The following AMD1 variants were observed in gnomAD, a reference collection of about 807,000 sequenced individuals.
AMD1 encodes the protein S-adenosylmethionine decarboxylase proenzyme.
Under a neutral mutation model 40.2 loss-of-function variants are expected in AMD1, and 11 were observed. That is an observed-to-expected ratio of 0.27 (90% CI 0.17 to 0.45). The LOEUF is 0.45. AMD1 is among the 20% of genes least tolerant of loss of function. The probability of loss-of-function intolerance (pLI) is 1.00; values close to 1 mark genes in which losing one functional copy is unlikely to be tolerated. For synonymous variants in AMD1, 121 were observed against 130.8 expected (o/e 0.93, Z 0.51); for missense variants, 257 against 410.2 (o/e 0.63, Z 3.23).
At chr6:110,881,090 A>G (rs186849992) in intron 1 of AMD1, among the ~76,000 whole-genome samples, 259 of 152,348 alleles carry the variant, frequency 1.7e-3, no homozygotes, top group Admixed American at 3.2e-3. Context: ...TTTTTCAGAC[A>G]TACAATTTGT....
intron 1 of AMD1, among the ~76,000 whole-genome samples, chr6:110,884,408 T>C (rs942892872): frequency 6.6e-6 from 1 of 152,344 alleles, no homozygotes; most frequent in East Asian, 1.9e-4. Context: ...ACCAAGACTT[T>C]AAAGTATCTG....
At chr6:110,868,449 G>C in the AMD1 span, among the ~76,000 whole-genome samples, 21 of 151,912 alleles carry the variant, frequency 1.4e-4, no homozygotes, top group African/African-American at 4.8e-4. Context: ...GGGCCCGGAC[G>C]TCTTTTCTTA....
chr6:110,829,237 A>C, the AMD1 span, among the ~76,000 whole-genome samples: 1 of 152,010 alleles, frequency 6.6e-6, no homozygotes, highest in Non-Finnish European at 1.5e-5. Flanking sequence ...TCCTAAGTGA[A>C]AAATGAATTT....
intron 1 of AMD1, among the ~76,000 whole-genome samples, chr6:110,884,353 A>G (rs1785570875): frequency 6.6e-6 from 1 of 152,224 alleles, no homozygotes; most frequent in Admixed American, 6.5e-5. Flanking sequence ...AAATCTTAAC[A>G]TCTCAAAGGA....
chr6:110,826,688 C>CT, the AMD1 span, among the ~76,000 whole-genome samples: 2,342 of 131,370 alleles, frequency 0.018, 66 homozygotes, highest in African/African-American at 0.054. Context: ...TCTTTTCTTT[C>CT]TTTTTTTTTT....
the AMD1 span, among the ~76,000 whole-genome samples, chr6:110,844,790 A>AAAAG: frequency 0.049 from 7,481 of 151,634 alleles, 192 homozygotes; most frequent in Middle Eastern, 0.085. Context: ...TCAGAAAAAA[A>AAAAG]AAAGAAAGAA....
chr6:110,844,790 AAAAGAAAG>A, the AMD1 span, among the ~76,000 whole-genome samples: 5 of 151,570 alleles, frequency 3.3e-5, no homozygotes, highest in African/African-American at 4.9e-5. Context: ...TCAGAAAAAA[AAAAGAAAG>A]AAAGAAAGAA....
At chr6:110,832,809 T>A in the AMD1 span, among the ~76,000 whole-genome samples, 1 of 152,130 alleles carries the variant, frequency 6.6e-6, no homozygotes, top group African/African-American at 2.4e-5. Context: ...TTCCATCCAC[T>A]TTTTGTTTTT....
At chr6:110,860,845 A>T in the AMD1 span, among the ~76,000 whole-genome samples, 8 of 149,096 alleles carry the variant, frequency 5.4e-5, no homozygotes, top group Non-Finnish European at 1.2e-4. Flanking sequence ...ACACACACAC[A>T]CACACACACA....
the AMD1 span, chr6:110,814,826 G>T: frequency 1.3e-6 from 1 of 792,004 alleles, no homozygotes; most frequent in Non-Finnish European, 2.1e-6. Flanking sequence ...GTACGCGACG[G>T]GGCCGCGCGG....
intron 1 of AMD1, among the ~76,000 whole-genome samples, chr6:110,887,252 ATT>A (rs1413893011): frequency 6.6e-6 from 1 of 151,974 alleles, no homozygotes; most frequent in South Asian, 2.1e-4. Flanking sequence ...ACCTTTGAAC[ATT>A]TTTTTGCCTA....
intron 1 of AMD1, among the ~76,000 whole-genome samples, chr6:110,884,072 A>G (rs1340413262): frequency 1.3e-5 from 2 of 152,198 alleles, no homozygotes; most frequent in Non-Finnish European, 2.9e-5. Flanking sequence ...GGCTTTGAAA[A>G]CTAGAATACA....
the AMD1 span, among the ~76,000 whole-genome samples, chr6:110,869,667 G>A: frequency 1.3e-5 from 2 of 151,482 alleles, no homozygotes; most frequent in South Asian, 2.1e-4. Flanking sequence ...GCTCCACCAC[G>A]CTCGGCTGAC....
At position 110,895,012 on chromosome 6, in the gene AMD1, T is replaced by C. The variant is rs1273005062; in HGVS notation, c.*1396T>C. The C allele has an allele frequency of 6.6e-6, 1 of 152,234 alleles. No homozygotes were observed. Among genetic ancestry groups the C allele is most frequent in the Non-Finnish European group, 1.5e-5 (1 of 68,036 alleles). The allele number at this position is 152,234 out of a possible 1,614,324, so 9.4% of individuals were successfully genotyped here. A position where few individuals can be genotyped will look rare whatever the true frequency, so the allele number is the denominator to read the frequency against. On this transcript the variant is annotated 3_prime_UTR_variant, in exon 9 of 9. Coordinates refer to ENST00000368885, the MANE Select transcript of AMD1 (RefSeq NM_001634.6). ...ACTCAATGGGAAATGACTAGTAATA[T>C]AGGCTTTCAAGAGTTGGTACCTTTT...
At chr6:110,855,702 G>C in the AMD1 span, among the ~76,000 whole-genome samples, 75 of 152,280 alleles carry the variant, frequency 4.9e-4, no homozygotes, top group African/African-American at 1.8e-3. Context: ...CAAAAAGGTA[G>C]AGTGACAAAA....
chr6:110,864,957 A>G, the AMD1 span, among the ~76,000 whole-genome samples: 3,171 of 152,348 alleles, frequency 0.021, 63 homozygotes, highest in East Asian at 0.12. Flanking sequence ...ACCCCAGGGA[A>G]ACACTTCACA....
the AMD1 span, chr6:110,859,008 G>C: frequency 8.5e-7 from 1 of 1,182,066 alleles, no homozygotes; most frequent in Non-Finnish European, 1.3e-6. Flanking sequence ...AAGCGGCCAG[G>C]TCTTTGGCCT....
Position 110,895,456 on chromosome 6 carries a change from T to C in AMD1, c.*1840T>C, listed in dbSNP as rs1486125471. On this transcript the variant is annotated 3_prime_UTR_variant, in exon 9 of 9. Transcript: ENST00000368885. ...GAGGTCTGGTTTGGTTTTGTTTTTG[T>C]TTTGTTTTGTTTTGTTTTGTTTCCA... 1.4e-5 allele frequency: 1 copy of C among 74,008 alleles called. No individual in the cohort carries two copies. The highest frequency in any genetic ancestry group is 7.7e-5 in the African/African-American group (1 of 13,010). The allele number at this position is 74,008 out of a possible 1,614,324, so 4.6% of individuals were successfully genotyped here. A position where few individuals can be genotyped will look rare whatever the true frequency, so the allele number is the denominator to read the frequency against.
the AMD1 span, among the ~76,000 whole-genome samples, chr6:110,851,380 G>T: frequency 6.6e-6 from 1 of 152,148 alleles, no homozygotes; most frequent in Non-Finnish European, 1.5e-5. Context: ...GGGATTACAG[G>T]TGTGAGCCAC....
Sources: allele counts gnomAD v4.1 joint callset (sites outside exome capture counted in the v4.1 genomes callset), GRCh38; gene constraint gnomAD v4.1.1; transcripts MANE v1.5; gene names NCBI Gene and HGNC (gene_info 2026-07-23, HGNC 2026-07-21).